Variants in DCLK1 observed in about 807,000 individuals in gnomAD.
The protein encoded by DCLK1 is serine/threonine-protein kinase DCLK1.
In DCLK1, 16 loss-of-function variants were observed where a neutral mutation model predicts 86.2. The ratio of observed to expected loss-of-function variants is 0.19; its 90% CI spans 0.13 to 0.28. The LOEUF is 0.28. Ranked by LOEUF, DCLK1 falls within the 10% of genes least tolerant of loss-of-function variation. The pLI is 1.00. For missense variants in DCLK1, 590 were observed against 940.2 expected, an observed-to-expected ratio of 0.63 and a Z score of 4.87; for synonymous variants, 369 against 370.5, an observed-to-expected ratio of 1.00 and a Z score of 0.05.
intron 4 of DCLK1, among the ~76,000 whole-genome samples, chr13:35,873,179 T>C (rs1180929039): frequency 6.6e-6 from 1 of 151,790 alleles, no homozygotes; most frequent in Non-Finnish European, 1.5e-5. Flanking sequence ...GCGCCAGTAA[T>C]CCCAGCTACT....
Position 35,791,052 on chromosome 13 carries a change from G to A in DCLK1, c.2058+2314C>T, listed in dbSNP as rs989666274. Among the ~76,000 whole-genome samples, 57 of 152,184 alleles carry A rather than the reference G, an allele frequency of 3.7e-4. 1 individual carries two copies. Among genetic ancestry groups the A allele is most frequent in the African/African-American group, 1.3e-3 (54 of 41,458 alleles). ...TCTTCTAGAAGGTAGAGATATTTAT[G>A]AGGGAAAAGCATTCTGGAGAAGGTG... On this transcript the variant is annotated intron_variant, in intron 16 of 16. Transcript: ENST00000360631.
At chr13:36,122,108 G>T (rs1339686313) in intron 2 of DCLK1, among the ~76,000 whole-genome samples, 2 of 152,146 alleles carry the variant, frequency 1.3e-5, no homozygotes, top group Non-Finnish European at 2.9e-5. Flanking sequence ...GTGAAATAGG[G>T]AAATAAAGTA....
intron 3 of DCLK1, among the ~76,000 whole-genome samples, chr13:36,080,634 A>G (rs2138110922): frequency 6.6e-6 from 1 of 152,244 alleles, no homozygotes; most frequent in East Asian, 1.9e-4. Context: ...TGATTCTTGC[A>G]TTATTTCAAT....
chr13:35,975,023 G>T (rs1879263059), intron 3 of DCLK1, among the ~76,000 whole-genome samples: 1 of 152,184 alleles, frequency 6.6e-6, no homozygotes, highest in South Asian at 2.1e-4. Flanking sequence ...CATGCTTAGT[G>T]TGCTGTGAAA....
chr13:36,080,234 A>C (rs1355692336), intron 3 of DCLK1, among the ~76,000 whole-genome samples: 1 of 152,210 alleles, frequency 6.6e-6, no homozygotes, highest in East Asian at 1.9e-4. Context: ...GCTTGTGCGG[A>C]TAACCAGTGT....
At chr13:35,987,516 G>C (rs904601290) in intron 3 of DCLK1, among the ~76,000 whole-genome samples, 1 of 152,112 alleles carries the variant, frequency 6.6e-6, no homozygotes, top group Admixed American at 6.5e-5. Flanking sequence ...TGCTTGAGGG[G>C]AGGGATACCC....
chr13:35,968,236 G>C lies in DCLK1; in HGVS notation c.724-20779C>G, dbSNP rs1004081281. ...TACGGTTGCCAGGGGCTGGAGTGAG[G>C]AGGAATAGAGAGATAGTGTTTAATG... On this transcript the variant is annotated intron_variant, in intron 3 of 16. Transcript: ENST00000360631. Among the ~76,000 whole-genome samples the C allele has an allele frequency of 2.6e-5, 4 of 152,174 alleles. No individual in the cohort carries two copies. In the East Asian group the frequency reaches 5.8e-4, roughly 22 times the overall value.
At chr13:35,979,075 G>C (rs988831525) in intron 3 of DCLK1, among the ~76,000 whole-genome samples, 3 of 152,114 alleles carry the variant, frequency 2.0e-5, no homozygotes, top group African/African-American at 4.8e-5. Context: ...TTAATAACTT[G>C]CCAAGCTGTT....
chr13:35,798,600 T>G (rs1273229464), intron 15 of DCLK1, among the ~76,000 whole-genome samples: 2 of 152,198 alleles, frequency 1.3e-5, no homozygotes, highest in Non-Finnish European at 2.9e-5. Context: ...GGCCCTATGA[T>G]TCTCTGTCTA....
intron 4 of DCLK1, among the ~76,000 whole-genome samples, chr13:35,929,347 A>C (rs1047543808): frequency 6.6e-6 from 1 of 152,244 alleles, no homozygotes; most frequent in African/African-American, 2.4e-5. Flanking sequence ...GTTGAGGGGC[A>C]AATCTATAAA....
intron 2 of DCLK1, among the ~76,000 whole-genome samples, chr13:36,125,358 C>T (rs1286641618): frequency 3.3e-5 from 5 of 152,120 alleles, no homozygotes; most frequent in Non-Finnish European, 2.9e-5. Flanking sequence ...TTCCTTTCAA[C>T]TCTAAAATTT....
chr13:35,881,186 G>A (rs1018658911), intron 4 of DCLK1, among the ~76,000 whole-genome samples: 3 of 152,112 alleles, frequency 2.0e-5, no homozygotes, highest in Non-Finnish European at 2.9e-5. Context: ...AAATTACAAT[G>A]GTCTAGCTCT....
chr13:36,113,412 T>C (rs1885679111), intron 2 of DCLK1, among the ~76,000 whole-genome samples: 1 of 152,224 alleles, frequency 6.6e-6, no homozygotes, highest in African/African-American at 2.4e-5. Context: ...AGTGCAAGTT[T>C]AACCAACCCC....
At chr13:35,831,845 C>A (rs1868988706) in intron 8 of DCLK1, among the ~76,000 whole-genome samples, 1 of 152,172 alleles carries the variant, frequency 6.6e-6, no homozygotes, top group South Asian at 2.1e-4. Flanking sequence ...GGGAAATTTT[C>A]AAATTTTACA....
intron 6 of DCLK1, among the ~76,000 whole-genome samples, chr13:35,844,849 A>G (rs1313037583): frequency 1.3e-5 from 2 of 152,234 alleles, no homozygotes; most frequent in Non-Finnish European, 2.9e-5. Flanking sequence ...TGGAAATAAT[A>G]AAGAGAACCA....
intron 3 of DCLK1, among the ~76,000 whole-genome samples, chr13:35,980,677 G>C (rs577165315): frequency 1.1e-4 from 17 of 152,040 alleles, no homozygotes; most frequent in African/African-American, 4.1e-4. Context: ...GGATGGTTTC[G>C]TGATGAAATC....
intron 3 of DCLK1, among the ~76,000 whole-genome samples, chr13:36,101,709 C>T (rs1763293243): frequency 6.6e-6 from 1 of 151,952 alleles, no homozygotes; most frequent in Admixed American, 6.6e-5. Flanking sequence ...TGTCCCGGGA[C>T]CACTCTTGGT....
intron 3 of DCLK1, among the ~76,000 whole-genome samples, chr13:35,996,704 C>CAT (rs35838697): frequency 0.18 from 23,580 of 129,372 alleles, 2,097 homozygotes; most frequent in Non-Finnish European, 0.25. Flanking sequence ...AATCTCTTTC[C>CAT]ATATATATAT....
chr13:35,833,852 G>A (rs1261170479), intron 8 of DCLK1, among the ~76,000 whole-genome samples: 1 of 152,182 alleles, frequency 6.6e-6, no homozygotes. Context: ...CGTTCAGCAG[G>A]AGCCGAATAC....
Sources: gnomAD v4.1 joint callset for allele counts (sites outside exome capture counted in the v4.1 genomes callset) on GRCh38, gnomAD v4.1.1 for gene constraint, MANE v1.5 for transcripts, NCBI Gene and HGNC (gene_info 2026-07-23, HGNC 2026-07-21) for gene names.